ZNF558: variants seen among roughly 807,000 people sequenced by gnomAD.
ZNF558 encodes zinc finger protein 558.
ZNF558 carries 23 observed loss-of-function variants against 37.6 expected under a neutral mutation model. The observed-to-expected ratio is 0.61, with a 90% CI of 0.44 to 0.87. The LOEUF (loss-of-function observed/expected upper bound fraction) is 0.87. Ranked by LOEUF, ZNF558 falls within the 40% of genes least tolerant of loss-of-function variation. The pLI is 0.00. For missense variants in ZNF558, 429 were observed against 483.7 expected, an observed-to-expected ratio of 0.89 and a Z score of 1.06; for synonymous variants, 189 against 174.4, an observed-to-expected ratio of 1.08 and a Z score of -0.66.
At chr19:8,829,428 G>A (rs957250031) in intron 2 of ZNF558, among the ~76,000 whole-genome samples, 9 of 152,178 alleles carry the variant, frequency 5.9e-5, no homozygotes, top group Admixed American at 5.2e-4. Context: ...GCAGACCCCA[G>A]TTTGGTTCTG....
intron 7 of ZNF558, among the ~76,000 whole-genome samples, chr19:8,818,752 A>G (rs575067823): frequency 2.2e-4 from 34 of 152,350 alleles, no homozygotes; most frequent in African/African-American, 6.7e-4. Context: ...CAATGGAGCC[A>G]GGAGCAGTGG....
At chr19:8,835,086 C>G (rs2044441009), upstream of ZNF558, among the ~76,000 whole-genome samples, 1 of 149,628 alleles carries the variant, frequency 6.7e-6, no homozygotes, top group Non-Finnish European at 1.5e-5. Flanking sequence ...GAGTCTCCTT[C>G]TGTCACCTAG....
At chr19:8,814,793 T>C (rs991667028) in intron 7 of ZNF558, among the ~76,000 whole-genome samples, 3 of 152,138 alleles carry the variant, frequency 2.0e-5, no homozygotes, top group African/African-American at 7.2e-5. Context: ...CATTACGCTA[T>C]CAGAAAAGAG....
At chr19:8,834,806 T>C (rs1470356789), upstream of ZNF558, among the ~76,000 whole-genome samples, 2 of 152,264 alleles carry the variant, frequency 1.3e-5, no homozygotes, top group East Asian at 3.9e-4. Context: ...CTTTGTGATC[T>C]TGGGTTAGGC....
At chr19:8,833,760 A>G (rs529646014), upstream of ZNF558, among the ~76,000 whole-genome samples, 2 of 152,190 alleles carry the variant, frequency 1.3e-5, no homozygotes, top group Admixed American at 6.5e-5. Context: ...AGGCCGAGGC[A>G]GGCAGATCAC....
upstream of ZNF558, among the ~76,000 whole-genome samples, chr19:8,834,687 A>G (rs751945631): frequency 1.3e-5 from 2 of 152,002 alleles, no homozygotes; most frequent in Non-Finnish European, 2.9e-5. Flanking sequence ...AGAGAATGAA[A>G]TTGGACCTCT....
intron 2 of ZNF558, among the ~76,000 whole-genome samples, chr19:8,828,699 T>C (rs1223239395): frequency 1.3e-5 from 2 of 152,100 alleles, no homozygotes; most frequent in African/African-American, 2.4e-5. Flanking sequence ...CGGTGGCTCA[T>C]GTCTGTAATC....
Position 8,812,621 on chromosome 19 carries a change from G to A in ZNF558, c.366C>T (p.Ala122=). ...TCPDLETLLK[A]KWLTPKKNVF... The stretch of plus-strand genomic sequence containing the variant: ...CATTCTTCTTAGGAGTTAACCATTT[G>A]GCTTTAAGTAGAGTCTCCAAATCTG... The change falls in exon 9 of 10, where the codon GCC becomes GCT. Residue 122 remains alanine (A), a synonymous_variant. Transcript: ENST00000601372. 1.2e-6 allele frequency: 2 copies of A among 1,601,790 alleles called. No homozygotes were observed. Among genetic ancestry groups the A allele is most frequent in the Admixed American group, 1.8e-5 (1 of 56,312 alleles).
chr19:8,813,310 A>T, intron 7 of ZNF558, 88 bp from the exon 8 acceptor site: 1 of 1,028,314 alleles, frequency 9.7e-7, no homozygotes, highest in Non-Finnish European at 1.5e-6. Context: ...ATGAAGATGG[A>T]AAAGTGTGAC....
chr19:8,814,161 G>A (rs994756491), intron 7 of ZNF558, among the ~76,000 whole-genome samples: 2 of 152,204 alleles, frequency 1.3e-5, no homozygotes, highest in Non-Finnish European at 2.9e-5. Flanking sequence ...CTGGGTAAGA[G>A]AGCTTTATGA....
In ZNF558 at chr19:8,812,569, C is replaced by A; in HGVS notation, c.418G>T (p.Val140Leu). The A allele has an allele frequency of 6.4e-7, 1 of 1,570,492 alleles. No homozygotes were observed. Among genetic ancestry groups the A allele is most frequent in the East Asian group, 2.3e-5 (1 of 43,342 alleles). The stretch of plus-strand genomic sequence containing the variant: ...ACCCATGTTAGTCTTACCGTTTTTA[C>A]ACCTTTAGACTGTTCTTTTCTGAAA... Reference protein sequence around the residue: ...NVFRKEQSKGVKTERSHRGVK... With the variant: ...NVFRKEQSKGLKTERSHRGVK... Residue 140 changes from valine to leucine, a missense_variant, in exon 9 of 10, where the codon GTA becomes TTA. By Grantham distance (32) the Val-to-Leu change is conservative. Coordinates refer to ENST00000601372, the MANE Select transcript of ZNF558 (RefSeq NM_144693.3).
chr19:8,814,789 G>A (rs1475110205), intron 7 of ZNF558, among the ~76,000 whole-genome samples: 11 of 152,048 alleles, frequency 7.2e-5, no homozygotes, highest in Non-Finnish European at 1.5e-4. Context: ...TGACCATTAC[G>A]CTATCAGAAA....
intron 7 of ZNF558, among the ~76,000 whole-genome samples, chr19:8,819,430 C>T (rs1214317761): frequency 6.6e-6 from 1 of 152,154 alleles, no homozygotes; most frequent in Non-Finnish European, 1.5e-5. Context: ...ATCCATCCAT[C>T]TCAGCCTCCC....
At chr19:8,833,953 C>T (rs1179752799), upstream of ZNF558, among the ~76,000 whole-genome samples, 2 of 151,956 alleles carry the variant, frequency 1.3e-5, no homozygotes, top group Non-Finnish European at 2.9e-5. Context: ...GCAGCCGGTG[C>T]ACTCCAGCCC....
intron 7 of ZNF558, among the ~76,000 whole-genome samples, chr19:8,814,371 C>T (rs1555769543): frequency 6.6e-6 from 1 of 152,038 alleles, no homozygotes; most frequent in African/African-American, 2.4e-5. Context: ...GAGCTGGTTA[C>T]CTGGAACACA....
At chr19:8,832,332 G>A (rs1287048085), upstream of ZNF558, 1 of 152,354 alleles carries the variant, frequency 6.6e-6, no homozygotes, top group Non-Finnish European at 1.5e-5. Context: ...CCGGTCTGGG[G>A]AGAGGTGCGC....
At chr19:8,813,470 T>C (rs1054857406) in intron 7 of ZNF558, among the ~76,000 whole-genome samples, 5 of 152,202 alleles carry the variant, frequency 3.3e-5, no homozygotes, top group Admixed American at 6.5e-5. Context: ...GCGATTCTCC[T>C]GCCTCAGCCT....
In ZNF558 at chr19:8,814,514, A is replaced by G. The variant is rs12610362; in HGVS notation, c.248-1292T>C. ...GGGAAAAAGATGTTTGGGGAGTAGG[A>G]CTTTGAAAATCTTCCTCATATTCTT... On this transcript the variant is annotated intron_variant, in intron 7 of 9. Coordinates refer to ENST00000601372, the MANE Select transcript of ZNF558 (RefSeq NM_144693.3). Among the ~76,000 whole-genome samples, 29 of 152,264 alleles carry G rather than the reference A, an allele frequency of 1.9e-4. No individual in the cohort carries two copies. The East Asian group carries it at 3.7e-3, about 19-fold the overall frequency.
chr19:8,813,331 G>C (rs2145193757), intron 7 of ZNF558, 109 bp from the exon 8 acceptor site: 2 of 819,054 alleles, frequency 2.4e-6, no homozygotes, highest in South Asian at 3.2e-5. Context: ...TTTAGGAGCA[G>C]TGAAATAAAT....
Sources: gnomAD v4.1 joint callset for allele counts (sites outside exome capture counted in the v4.1 genomes callset) on GRCh38, gnomAD v4.1.1 for gene constraint, MANE v1.5 for transcripts, NCBI Gene and HGNC (gene_info 2026-07-23, HGNC 2026-07-21) for gene names.